POFUT2: variants seen among roughly 807,000 people sequenced by gnomAD.
The protein encoded by POFUT2 is protein O-fucosyltransferase 2.
In POFUT2, 30 loss-of-function variants were observed where a neutral mutation model predicts 55.0. The observed-to-expected ratio is 0.55, with a 90% CI of 0.41 to 0.74. POFUT2 has a LOEUF of 0.74. Among genes scored for constraint, POFUT2 ranks in the 30% least tolerant of loss-of-function variants. POFUT2 has a pLI of 0.00. For synonymous variants in POFUT2, 267 were observed against 231.1 expected (o/e 1.16, Z -1.41); for missense variants, 524 against 562.6 (o/e 0.93, Z 0.69).
rs907424358 is a variant in POFUT2, at chr21:45,277,783, G to A, written c.705+320C>T. 1 of 399,882 alleles carries A rather than the reference G, an allele frequency of 2.5e-6. No homozygotes were observed. Among genetic ancestry groups the A allele is most frequent in the African/African-American group, 2.0e-5 (1 of 48,872 alleles). The allele number at this position is 399,882 out of a possible 1,614,324, so 24.8% of individuals were successfully genotyped here. A position where few individuals can be genotyped will look rare whatever the true frequency, so the allele number is the denominator to read the frequency against. On this transcript the variant is annotated intron_variant, in intron 5 of 8. Transcript: ENST00000349485. This position sits in a 1 kb window ranked among gnomAD's most constrained non-coding sequence, Gnocchi z 6.9. ...GTCCCACCTTTCAAAGCTAAAGAGA[G>A]GAGAAAGGAGGGGTCTACGTTCCAG...
In POFUT2 at chr21:45,277,328, G is replaced by A; in HGVS notation, c.706-186C>T. On this transcript the variant is annotated intron_variant, in intron 5 of 8. Coordinates refer to ENST00000349485, the MANE Select transcript of POFUT2 (RefSeq NM_133635.6). This position sits in a 1 kb window ranked among gnomAD's most constrained non-coding sequence, Gnocchi z 6.9. ...GAGGCTCTTGGAGGGTCTCCTGCAT[G>A]AAGCCAACGCAGGGCAAGCCGCCCA... 1.3e-6 allele frequency: 1 copy of A among 762,284 alleles called. No homozygotes were observed. The highest frequency in any genetic ancestry group is 2.0e-6 in the Non-Finnish European group (1 of 494,042). The allele number at this position is 762,284 out of a possible 1,614,324, so 47.2% of individuals were successfully genotyped here. A position where few individuals can be genotyped will look rare whatever the true frequency, so the allele number is the denominator to read the frequency against.
chr21:45,283,347 G>GAC (rs1569233411), intron 3 of POFUT2, 36 bp downstream of exon 3: 1 of 1,294,950 alleles, frequency 7.7e-7, no homozygotes, highest in Non-Finnish European at 1.0e-6. Context: ...GAGGTGGGGG[G>GAC]GCACCTGCGG....
intron 6 of POFUT2, among the ~76,000 whole-genome samples, chr21:45,273,835 A>G (rs2093239885): frequency 6.6e-6 from 1 of 152,244 alleles, no homozygotes; most frequent in Admixed American, 6.5e-5. Context: ...AAAGTCATCT[A>G]TGACAAATCC....
intron 6 of POFUT2, among the ~76,000 whole-genome samples, chr21:45,271,261 A>G (rs952370851): frequency 6.6e-5 from 10 of 152,232 alleles, no homozygotes; most frequent in African/African-American, 2.4e-4. Context: ...AATACACTGG[A>G]AAGTTTCAAT....
intron 2 of POFUT2, 151 bp from the exon 3 acceptor site, chr21:45,283,678 A>T: frequency 1.3e-6 from 1 of 795,382 alleles, no homozygotes; most frequent in Non-Finnish European, 2.0e-6. Context: ...GAGACAGGGC[A>T]GAGCACATGC....
At chr21:45,268,811 T>TG (rs1481071076) in intron 7 of POFUT2, among the ~76,000 whole-genome samples, 9 of 132,066 alleles carry the variant, frequency 6.8e-5, no homozygotes, top group East Asian at 2.4e-4. Flanking sequence ...GGGAGGGAGG[T>TG]GGGGGGGTCA....
chr21:45,281,432 C>T lies in POFUT2; in HGVS notation c.638+917G>A, dbSNP rs978917727. On this transcript the variant is annotated intron_variant, in intron 4 of 8. Transcript: ENST00000349485. The surrounding 1 kb of genome is among the most constrained non-coding windows in gnomAD (Gnocchi z 5.0). ...CACAACCTCTGAGTTCTGTCTGCAA[C>T]AGCCGGGCTGGCTGAGCAGCAGACA... Among the ~76,000 whole-genome samples the T allele has an allele frequency of 6.6e-6, 1 of 152,214 alleles. No homozygotes were observed. Among genetic ancestry groups the T allele is most frequent in the East Asian group, 1.9e-4 (1 of 5,188 alleles).
intron 7 of POFUT2, among the ~76,000 whole-genome samples, chr21:45,268,810 G>A (rs1602157663): frequency 1.4e-5 from 2 of 143,012 alleles, no homozygotes; most frequent in South Asian, 2.3e-4. Context: ...CGGGAGGGAG[G>A]TGGGGGGGTC....
Position 45,265,475 on chromosome 21 carries a change from ATCC to A in POFUT2, c.*4_*6del. ...CGGGTCCGGGGAGCGGCCCTGGAGG[ATCC>A]TCCTCAGTAGGTGATCTTCCAGTGG... On this transcript the variant is annotated 3_prime_UTR_variant, in exon 9 of 9. Coordinates refer to ENST00000349485, the MANE Select transcript of POFUT2 (RefSeq NM_133635.6). This position sits in a 1 kb window ranked among gnomAD's most constrained non-coding sequence, Gnocchi z 4.6. 3 of 1,609,350 alleles carry A rather than the reference ATCC, an allele frequency of 1.9e-6. No homozygotes were observed. The highest frequency in any genetic ancestry group is 2.2e-5 in the East Asian group (1 of 44,818).
At position 45,282,321 on chromosome 21, in the gene POFUT2, C is replaced by G. The variant is rs758629567; in HGVS notation, c.638+28G>C. 4.9e-6 allele frequency: 7 copies of G among 1,433,520 alleles called. No homozygotes were observed. The highest frequency in any genetic ancestry group is 5.9e-6 in the Non-Finnish European group (6 of 1,017,174). The allele number at this position is 1,433,520 out of a possible 1,614,324, so 88.8% of individuals were successfully genotyped here. On this transcript the variant is annotated intron_variant, in intron 4 of 8. Transcript: ENST00000349485. The surrounding 1 kb of genome is among the most constrained non-coding windows in gnomAD (Gnocchi z 4.6). ...CGGAGCAGACGCCACAGCCTCCAGG[C>G]TGCTCCCGGGGGGCCTGGGGCACTC...
rs892468950 is a variant in POFUT2, at chr21:45,265,697, C to G, written c.1137-62G>C. ...ACTGGCGTCACAGAGGTTCCAGAGT[C>G]AGGGAGAACTGAGAGGAGCAGCTGA... On this transcript the variant is annotated intron_variant, in intron 8 of 8. Transcript: ENST00000349485. This position sits in a 1 kb window ranked among gnomAD's most constrained non-coding sequence, Gnocchi z 4.6. 15 of 1,363,496 alleles carry G rather than the reference C, an allele frequency of 1.1e-5. No individual in the cohort carries two copies. The African/African-American group carries it at 2.1e-4, about 19-fold the overall frequency. 84.5% of individuals were successfully genotyped at this position (1,363,496 alleles called of 1,614,324 possible).
At chr21:45,274,340 CCATGCT>C (rs2093244749) in intron 6 of POFUT2, among the ~76,000 whole-genome samples, 1 of 152,174 alleles carries the variant, frequency 6.6e-6, no homozygotes, top group Non-Finnish European at 1.5e-5. Context: ...GAAATACATC[CCATGCT>C]CATGGATGGG....
chr21:45,265,489 G>A lies in POFUT2; in HGVS notation c.1283C>T (p.Thr428Ile), dbSNP rs768890239. The A allele has an allele frequency of 8.1e-6, 13 of 1,612,706 alleles. No individual in the cohort carries two copies. Among genetic ancestry groups the A allele is most frequent in the South Asian group, 1.1e-5 (1 of 90,932 alleles). The part of the protein sequence containing the change: ...ACEQPTHWKI[T>I]Y ...GGCCCTGGAGGATCCTCCTCAGTAG[G>A]TGATCTTCCAGTGGGTGGGTTGCTC... is the stretch of plus-strand genomic sequence containing the variant. Residue 428 changes from threonine to isoleucine, a missense_variant, in exon 9 of 9, where the codon ACC becomes ATC. By Grantham distance (89) the Thr-to-Ile change is moderately conservative. Around this residue, in one of 2 missense-constraint regions of POFUT2, gnomAD observed 250 missense variants for 318.2 expected, o/e 0.79. Coordinates refer to ENST00000349485, the MANE Select transcript of POFUT2 (RefSeq NM_133635.6). The surrounding 1 kb of genome is among the most constrained non-coding windows in gnomAD (Gnocchi z 4.6).
chr21:45,273,834 T>G (rs1357213997), intron 6 of POFUT2, among the ~76,000 whole-genome samples: 1 of 152,230 alleles, frequency 6.6e-6, no homozygotes, highest in African/African-American at 2.4e-5. Flanking sequence ...AAAAGTCATC[T>G]ATGACAAATC....
In POFUT2 at chr21:45,277,848, C is replaced by T. The variant is rs143590645; in HGVS notation, c.705+255G>A. The T allele has an allele frequency of 3.0e-3, 1,676 of 561,146 alleles. 15 individuals are homozygous for T. The highest frequency in any genetic ancestry group is 2.5e-3 in the Non-Finnish European group (799 of 314,290). The allele number at this position is 561,146 out of a possible 1,614,324, so 34.8% of individuals were successfully genotyped here. ...ACTGACTCCGGGGCTGACTCCAGGG[C>T]GCTGCCACCGCATTCAGGGCCTGTG... On this transcript the variant is annotated intron_variant, in intron 5 of 8. Transcript: ENST00000349485. The surrounding 1 kb of genome is among the most constrained non-coding windows in gnomAD (Gnocchi z 6.9).
chr21:45,281,528 G>A lies in POFUT2; in HGVS notation c.638+821C>T, dbSNP rs1353722125. 6.6e-6 allele frequency among the ~76,000 whole-genome samples: 1 copy of A among 152,136 alleles called. No individual in the cohort carries two copies. Among genetic ancestry groups the A allele is most frequent in the East Asian group, 1.9e-4 (1 of 5,160 alleles). ...AGCTGAGACCATGTGGTCCCGGCCC[G>A]CTGGGGCCAGCGGCAGCTGTTACTG... On this transcript the variant is annotated intron_variant, in intron 4 of 8. Transcript: ENST00000349485. This position sits in a 1 kb window ranked among gnomAD's most constrained non-coding sequence, Gnocchi z 5.0.
intron 4 of POFUT2, among the ~76,000 whole-genome samples, chr21:45,280,729 G>A (rs575437102): frequency 7.4e-4 from 102 of 137,012 alleles, no homozygotes; most frequent in African/African-American, 2.1e-3. Context: ...TCTTGGACTC[G>A]CCTCACCCCA....
chr21:45,265,942 A>G lies in POFUT2; in HGVS notation c.1137-307T>C. ...CCTGGGAGCCCTCCTCTCCGTCACC[A>G]AATCCCAGGCCAGGCACGCCAGTGC... On this transcript the variant is annotated intron_variant, in intron 8 of 8. Coordinates refer to ENST00000349485, the MANE Select transcript of POFUT2 (RefSeq NM_133635.6). The surrounding 1 kb of genome is among the most constrained non-coding windows in gnomAD (Gnocchi z 4.6). 6.3e-6 allele frequency: 8 copies of G among 1,267,650 alleles called. No individual in the cohort carries two copies. The highest frequency in any genetic ancestry group is 8.1e-6 in the Non-Finnish European group (8 of 992,234). 78.5% of individuals were successfully genotyped at this position (1,267,650 alleles called of 1,614,324 possible).
chr21:45,267,416 C>G lies in POFUT2; in HGVS notation c.1136+174G>C. The G allele has an allele frequency of 1.2e-6, 2 of 1,608,762 alleles. No individual in the cohort carries two copies. Among genetic ancestry groups the G allele is most frequent in the South Asian group, 2.2e-5 (2 of 90,878 alleles). ...GGGCAAGATGAACAATTAACTTCAG[C>G]CCAGGGAAACACTGAACCAGATGCT... On this transcript the variant is annotated intron_variant, in intron 8 of 8. Transcript: ENST00000349485. This position sits in a 1 kb window ranked among gnomAD's most constrained non-coding sequence, Gnocchi z 4.4.
Sources: allele counts gnomAD v4.1 joint callset (sites outside exome capture counted in the v4.1 genomes callset), GRCh38; gene constraint gnomAD v4.1.1; regional missense constraint gnomAD v4.1.1; non-coding constraint Gnocchi (gnomAD v3.1); transcripts MANE v1.5; gene names NCBI Gene and HGNC (gene_info 2026-07-23, HGNC 2026-07-21).